Variants in SGF29 observed in about 807,000 individuals in gnomAD.
The protein encoded by SGF29 is SAGA complex associated factor 29, also known as SAGA-associated factor 29.
A neutral mutation model predicts 38.1 loss-of-function variants in SGF29; 15 were observed. The ratio of observed to expected loss-of-function variants is 0.39; its 90% CI spans 0.26 to 0.61. SGF29 has a LOEUF of 0.61. SGF29 is among the 20% of genes least tolerant of loss of function. The pLI, the probability that SGF29 is intolerant of heterozygous loss-of-function variation, is 0.49. For missense variants in SGF29, 184 were observed against 394.6 expected (o/e 0.47, Z 4.52); for synonymous variants, 151 against 160.8 (o/e 0.94, Z 0.46).
At chr16:28,567,594 G>T (rs1163379557) in intron 1 of SGF29, among the ~76,000 whole-genome samples, 1 of 152,188 alleles carries the variant, frequency 6.6e-6, no homozygotes, top group Non-Finnish European at 1.5e-5. Context: ...TACTAGAAAA[G>T]GTTTACATTG....
intron 1 of SGF29, among the ~76,000 whole-genome samples, chr16:28,559,787 G>A (rs957875060): frequency 2.0e-5 from 3 of 152,200 alleles, no homozygotes; most frequent in African/African-American, 7.2e-5. Flanking sequence ...TTCAGCTGAT[G>A]CTTGCCTCAG....
chr16:28,572,730 G>T (rs573813843), intron 1 of SGF29, among the ~76,000 whole-genome samples: 1 of 152,288 alleles, frequency 6.6e-6, no homozygotes, highest in East Asian at 1.9e-4. Flanking sequence ...AAGATCGTGT[G>T]TCTGAGACAG....
At chr16:28,570,083 A>G (rs755401320) in intron 1 of SGF29, among the ~76,000 whole-genome samples, 7 of 152,156 alleles carry the variant, frequency 4.6e-5, no homozygotes, top group Non-Finnish European at 1.0e-4. Context: ...TAGCAGAGCT[A>G]TGGGGGTAGG....
intron 2 of SGF29, 52 bp from the exon 3 acceptor site, chr16:28,584,861 C>A: frequency 7.2e-7 from 1 of 1,380,200 alleles, no homozygotes; most frequent in Non-Finnish European, 1.0e-6. Flanking sequence ...TGGCAGGGTA[C>A]CACAGCAGCA....
At chr16:28,564,519 A>ATG (rs1403285526) in intron 1 of SGF29, among the ~76,000 whole-genome samples, 50 of 119,958 alleles carry the variant, frequency 4.2e-4, no homozygotes, top group African/African-American at 1.3e-3. Context: ...GTATATATAT[A>ATG]TGTGTGTGTA....
intron 1 of SGF29, among the ~76,000 whole-genome samples, chr16:28,554,579 G>A (rs193627): frequency 3.9e-5 from 6 of 152,182 alleles, no homozygotes; most frequent in Non-Finnish European, 7.4e-5. Flanking sequence ...CAAAGTGTGG[G>A]GAGTATAGGC....
intron 1 of SGF29, among the ~76,000 whole-genome samples, chr16:28,568,514 G>C (rs1221610247): frequency 6.8e-6 from 1 of 148,078 alleles, no homozygotes; most frequent in Non-Finnish European, 1.5e-5. Flanking sequence ...TGAGGTGATT[G>C]ATTATTTAGC....
rs1053570 is a variant in SGF29, at chr16:28,590,902, C to T, written c.732C>T (p.Phe244=). ...CCCTGTATCCCCAGACTACCTGCTT[C>T]TACCGCGCCCTGATCCATGCGCCCC... ...VLALYPQTTC[F]YRALIHAPPQ... Residue 244 remains phenylalanine, a synonymous_variant, in exon 9 of 10, where the codon TTC becomes TTT. Transcript: ENST00000317058. The surrounding 1 kb of genome is among the most constrained non-coding windows in gnomAD (Gnocchi z 8.2). 3 of 1,612,894 alleles carry T rather than the reference C, an allele frequency of 1.9e-6. No homozygotes were observed. Among genetic ancestry groups the T allele is most frequent in the Non-Finnish European group, 2.5e-6 (3 of 1,179,462 alleles).
At chr16:28,568,699 G>A (rs1210177698) in intron 1 of SGF29, among the ~76,000 whole-genome samples, 2 of 152,086 alleles carry the variant, frequency 1.3e-5, no homozygotes. Flanking sequence ...TGGATCACGA[G>A]GTCAAGAGAT....
rs369331637 is a variant in SGF29, at chr16:28,556,493, A to G, written c.-16+2396A>G. 3.4e-4 allele frequency among the ~76,000 whole-genome samples: 52 copies of G among 152,308 alleles called. 1 individual carries two copies. Among genetic ancestry groups the G allele is most frequent in the African/African-American group, 1.2e-3 (48 of 41,570 alleles). ...CTTCCAAGTAGCTGTGATTACAGGCATGTGCCACCACACCCGATTAATTTT... is the reference window on the plus strand; with the variant it reads ...CTTCCAAGTAGCTGTGATTACAGGCGTGTGCCACCACACCCGATTAATTTT... On this transcript the variant is annotated intron_variant, in intron 1 of 9. Coordinates refer to ENST00000317058, the MANE Select transcript of SGF29 (RefSeq NM_138414.3).
At chr16:28,585,436 G>A (rs2046950976) in intron 3 of SGF29, 11 of 598,768 alleles carry the variant, frequency 1.8e-5, no homozygotes, top group Admixed American at 1.2e-4. Context: ...CAGTACTCTC[G>A]CAGATGTAGG....
intron 1 of SGF29, among the ~76,000 whole-genome samples, chr16:28,572,044 A>G (rs892357423): frequency 5.9e-5 from 9 of 152,148 alleles, no homozygotes; most frequent in African/African-American, 2.2e-4. Context: ...CAGTGGCACA[A>G]TCTCGGCTCA....
chr16:28,579,666 C>T (rs1319192935), intron 1 of SGF29, among the ~76,000 whole-genome samples: 1 of 151,854 alleles, frequency 6.6e-6, no homozygotes, highest in African/African-American at 2.4e-5. Flanking sequence ...CGTGGTGGCT[C>T]ACGCCTGTAA....
chr16:28,564,820 C>G (rs1439648680), intron 1 of SGF29, among the ~76,000 whole-genome samples: 2 of 142,840 alleles, frequency 1.4e-5, no homozygotes, highest in Non-Finnish European at 3.0e-5. Flanking sequence ...CACACACACA[C>G]ACATATATAT....
chr16:28,586,157 A>T (rs1007970210), intron 4 of SGF29, among the ~76,000 whole-genome samples: 2 of 152,024 alleles, frequency 1.3e-5, no homozygotes, highest in African/African-American at 2.4e-5. Context: ...GCGTGGTGGC[A>T]TGTGTCTGTA....
At chr16:28,559,133 A>G (rs912626000) in intron 1 of SGF29, among the ~76,000 whole-genome samples, 3 of 152,164 alleles carry the variant, frequency 2.0e-5, no homozygotes, top group African/African-American at 7.2e-5. Flanking sequence ...CAGCCTGAGC[A>G]ATATGATGAG....
At chr16:28,566,463 A>T (rs1354590892) in intron 1 of SGF29, among the ~76,000 whole-genome samples, 1 of 151,990 alleles carries the variant, frequency 6.6e-6, no homozygotes, top group Non-Finnish European at 1.5e-5. Context: ...GATAGAGGGA[A>T]CAGTGTGAAC....
intron 1 of SGF29, among the ~76,000 whole-genome samples, chr16:28,568,518 A>G (rs1245297910): frequency 2.0e-5 from 3 of 149,308 alleles, no homozygotes; most frequent in Admixed American, 6.7e-5. Flanking sequence ...GTGATTGATT[A>G]TTTAGCTTAA....
At chr16:28,573,532 G>A (rs1272931879) in intron 1 of SGF29, among the ~76,000 whole-genome samples, 24 of 152,190 alleles carry the variant, frequency 1.6e-4, no homozygotes, top group Non-Finnish European at 7.3e-5. Flanking sequence ...AGGAACAGAG[G>A]TGGGGGCCTC....
Sources: gnomAD v4.1 joint callset for allele counts (sites outside exome capture counted in the v4.1 genomes callset) on GRCh38, gnomAD v4.1.1 for gene constraint, Gnocchi (gnomAD v3.1) non-coding constraint, MANE v1.5 for transcripts, NCBI Gene and HGNC (gene_info 2026-07-23, HGNC 2026-07-21) for gene names.